MACROD2: variants seen among roughly 807,000 people sequenced by gnomAD.
MACROD2 encodes mono-ADP ribosylhydrolase 2, also known as ADP-ribose glycohydrolase MACROD2.
A neutral mutation model predicts 70.4 loss-of-function variants in MACROD2; 36 were observed. That is an observed-to-expected ratio of 0.51 (90% CI 0.39 to 0.68). The LOEUF is 0.68. Ranked by LOEUF, MACROD2 falls within the 30% of genes least tolerant of loss-of-function variation. The pLI is 0.00. For synonymous variants in MACROD2, 172 were observed against 178.8 expected (o/e 0.96, Z 0.30); for missense variants, 496 against 538.4 (o/e 0.92, Z 0.78).
At chr20:14,393,855 G>A (rs1233429144) in intron 3 of MACROD2, among the ~76,000 whole-genome samples, 1 of 152,110 alleles carries the variant, frequency 6.6e-6, no homozygotes, top group East Asian at 1.9e-4. Flanking sequence ...GATGTCATGC[G>A]GGTGGAGCCC....
Position 14,326,126 on chromosome 20 carries a change from G to T in MACROD2, c.272-167353G>T. On this transcript the variant is annotated intron_variant, in intron 3 of 17. Transcript: ENST00000684519. The surrounding 1 kb of genome is among the most constrained non-coding windows in gnomAD (Gnocchi z 5.5). Reference sequence around the variant, plus strand: ...AGGGCTGTGACCAAGTACTCACTGCGTTCCCCTGTTACAATTGTTTCTGTT... The same window carrying T: ...AGGGCTGTGACCAAGTACTCACTGCTTTCCCCTGTTACAATTGTTTCTGTT... 1 of 1,613,830 alleles carries T rather than the reference G, an allele frequency of 6.2e-7. No individual in the cohort carries two copies. The highest frequency in any genetic ancestry group is 8.5e-7 in the Non-Finnish European group (1 of 1,179,856).
intron 8 of MACROD2, among the ~76,000 whole-genome samples, chr20:15,685,324 TA>T (rs1367975505): frequency 2.6e-5 from 4 of 152,176 alleles, no homozygotes; most frequent in Non-Finnish European, 5.9e-5. Context: ...GAAGGAATTG[TA>T]ATGATCTGCT....
intron 8 of MACROD2, among the ~76,000 whole-genome samples, chr20:15,621,248 T>C (rs1450210710): frequency 6.6e-6 from 1 of 152,234 alleles, no homozygotes. Flanking sequence ...CTTCTCTCTA[T>C]TTCAAATTAT....
intron 8 of MACROD2, among the ~76,000 whole-genome samples, chr20:15,738,106 G>A (rs796615739): frequency 9.9e-5 from 15 of 152,142 alleles, no homozygotes; most frequent in African/African-American, 3.4e-4. Context: ...TATAGAAAGA[G>A]TGAATAAAAT....
At chr20:15,167,652 A>G (rs535363098) in intron 5 of MACROD2, among the ~76,000 whole-genome samples, 1 of 152,188 alleles carries the variant, frequency 6.6e-6, no homozygotes, top group Non-Finnish European at 1.5e-5. Context: ...CAGACCCTTT[A>G]GGCATGAAAT....
At chr20:14,327,792 T>C (rs1218574699) in intron 3 of MACROD2, among the ~76,000 whole-genome samples, 1 of 152,098 alleles carries the variant, frequency 6.6e-6, no homozygotes, top group East Asian at 1.9e-4. Context: ...CTGTCCTAAA[T>C]CCATTTGATT....
chr20:14,971,651 G>T (rs1019061080), intron 5 of MACROD2, among the ~76,000 whole-genome samples: 1 of 152,008 alleles, frequency 6.6e-6, no homozygotes, highest in African/African-American at 2.4e-5. Context: ...GTAGGCTGCT[G>T]GGGCTTGAGT....
At chr20:14,772,342 T>C (rs1419291420) in intron 5 of MACROD2, among the ~76,000 whole-genome samples, 1 of 152,016 alleles carries the variant, frequency 6.6e-6, no homozygotes, top group African/African-American at 2.4e-5. Flanking sequence ...ACACAGCTGA[T>C]AAAGACATAC....
intron 6 of MACROD2, among the ~76,000 whole-genome samples, chr20:15,299,839 G>T (rs985758066): frequency 1.3e-5 from 2 of 152,208 alleles, no homozygotes; most frequent in African/African-American, 2.4e-5. Context: ...CCCACCTGGG[G>T]TCTACTTGAA....
intron 5 of MACROD2, among the ~76,000 whole-genome samples, chr20:14,871,842 G>A (rs956448549): frequency 2.6e-5 from 4 of 151,874 alleles, no homozygotes; most frequent in Non-Finnish European, 5.9e-5. Context: ...CCAAGCAAAT[G>A]GAAAACAGAA....
chr20:14,057,560 T>C (rs1186302134), intron 2 of MACROD2, among the ~76,000 whole-genome samples: 3 of 152,194 alleles, frequency 2.0e-5, no homozygotes, highest in African/African-American at 7.2e-5. Flanking sequence ...TGGAGAGCGA[T>C]GCACCTCTCT....
intron 6 of MACROD2, among the ~76,000 whole-genome samples, chr20:15,302,222 C>T (rs991671340): frequency 1.3e-5 from 2 of 152,156 alleles, no homozygotes; most frequent in Non-Finnish European, 2.9e-5. Flanking sequence ...TAATGTCTTT[C>T]TGAAGGTCAT....
intron 5 of MACROD2, among the ~76,000 whole-genome samples, chr20:15,157,566 TTTGA>T (rs1320490800): frequency 2.6e-5 from 4 of 152,044 alleles, no homozygotes; most frequent in Non-Finnish European, 5.9e-5. Flanking sequence ...AGGTGTGTGT[TTTGA>T]TTATTTGTTC....
chr20:15,566,355 G>A (rs148064757), intron 8 of MACROD2, among the ~76,000 whole-genome samples: 2,301 of 152,012 alleles, frequency 0.015, 60 homozygotes, highest in African/African-American at 0.052. Flanking sequence ...AAAATTAGCC[G>A]GGTGTGGTGA....
At position 14,952,743 on chromosome 20, in the gene MACROD2, A is replaced by G. The variant is rs1007505249; in HGVS notation, c.418+267784A>G. Among the ~76,000 whole-genome samples, 8 of 152,104 alleles carry G rather than the reference A, an allele frequency of 5.3e-5. No homozygotes were observed. In the South Asian group the frequency reaches 1.0e-3, roughly 20 times the overall value. On this transcript the variant is annotated intron_variant, in intron 5 of 17. Coordinates refer to ENST00000684519, the MANE Select transcript of MACROD2 (RefSeq NM_001351661.2). ...TATGTATACATGCATTAGTTTTTAT[A>G]CTGTAAGTTGCTCACCTGAAAGTGG...
At chr20:15,623,256 A>G (rs559637622) in intron 8 of MACROD2, among the ~76,000 whole-genome samples, 1 of 152,366 alleles carries the variant, frequency 6.6e-6, no homozygotes, top group East Asian at 1.9e-4. Flanking sequence ...CAAAAGCCAG[A>G]TAGCAATCAC....
intron 16 of MACROD2, 106 bp downstream of exon 16, chr20:16,041,384 G>T (rs2067305783): frequency 4.6e-6 from 4 of 868,996 alleles, no homozygotes; most frequent in Non-Finnish European, 5.1e-6. Flanking sequence ...CAACATATTT[G>T]GTTAGAACAC....
At chr20:15,526,805 G>T (rs1438272311) in intron 8 of MACROD2, among the ~76,000 whole-genome samples, 1 of 152,120 alleles carries the variant, frequency 6.6e-6, no homozygotes, top group Non-Finnish European at 1.5e-5. Context: ...AAAAGAGGAT[G>T]CCCTTCTTTC....
intron 6 of MACROD2, 128 bp from the exon 7 acceptor site, chr20:15,431,274 ACTC>A: frequency 2.7e-6 from 2 of 738,002 alleles, no homozygotes; most frequent in Non-Finnish European, 4.6e-6. Flanking sequence ...AGTGTCCCCT[ACTC>A]CAACTCATAG....
Sources: allele counts gnomAD v4.1 joint callset (sites outside exome capture counted in the v4.1 genomes callset), GRCh38; gene constraint gnomAD v4.1.1; non-coding constraint Gnocchi (gnomAD v3.1); transcripts MANE v1.5; gene names NCBI Gene and HGNC (gene_info 2026-07-23, HGNC 2026-07-21).